Variants in PASK observed in about 807,000 individuals in gnomAD.
PASK encodes the protein PAS domain-containing serine/threonine-protein kinase.
PASK carries 110 observed loss-of-function variants against 121.0 expected under a neutral mutation model. That is an observed-to-expected ratio of 0.91 (90% CI 0.78 to 1.06). The LOEUF is 1.06. Among genes scored for constraint, PASK ranks in the 50% least tolerant of loss-of-function variants. The probability of loss-of-function intolerance (pLI) is 0.00; values close to 1 mark genes in which losing one functional copy is unlikely to be tolerated. For missense variants in PASK, 1,643 were observed against 1,702.3 expected, an observed-to-expected ratio of 0.97 and a Z score of 0.61; for synonymous variants, 686 against 717.8, an observed-to-expected ratio of 0.96 and a Z score of 0.71.
At chr2:241,137,844 C>T (rs1575326871) in intron 6 of PASK, 109 bp downstream of exon 6, 5 of 1,236,210 alleles carry the variant, frequency 4.0e-6, no homozygotes, top group Admixed American at 3.4e-5. Context: ...GCATGTCCCA[C>T]CCCTAAGGCC....
chr2:241,140,677 A>T lies in PASK; in HGVS notation c.273T>A (p.Ala91=), dbSNP rs1191491868. The T allele has an allele frequency of 7.4e-6, 12 of 1,614,028 alleles. No homozygotes were observed. The African/African-American group carries it at 1.3e-4, about 18-fold the overall frequency. The part of the protein sequence containing the change: ...NICTSKLHCP[A]APEHTDPSEP... ...CGGACGGGTCCGTGTGCTCAGGGGC[A>T]GCAGGGCAGTGCAGTTTACTTGTAC... is the stretch of plus-strand genomic sequence containing the variant. Residue 91 remains alanine (A), a synonymous_variant, in exon 3 of 18, where the codon GCT becomes GCA. Transcript: ENST00000234040.
At position 241,140,585 on chromosome 2, in the gene PASK, AGAGGT is replaced by A; in HGVS notation, c.360_364del (p.Pro121AlafsTer9). On this transcript the variant is annotated frameshift_variant, in exon 3 of 18. Coordinates refer to ENST00000234040, the MANE Select transcript of PASK (RefSeq NM_015148.4). LOFTEE classifies it high-confidence loss of function. ...AGGGTTGCACACAGGGGCCGGAAGC[AGAGGT>A]GAGGACCACCCTGAGGACAGTCCCC... 1 of 1,614,144 alleles carries A rather than the reference AGAGGT, an allele frequency of 6.2e-7. No individual in the cohort carries two copies. The highest frequency in any genetic ancestry group is 8.5e-7 in the Non-Finnish European group (1 of 1,180,010).
chr2:241,132,791 C>T, intron 9 of PASK, 83 bp downstream of exon 9: 2 of 1,155,078 alleles, frequency 1.7e-6, no homozygotes, highest in East Asian at 2.3e-5. Context: ...ATAGGCTGAA[C>T]ATTTCTCTCT....
At position 241,122,778 on chromosome 2, in the gene PASK, G is replaced by A; in HGVS notation, c.3026C>T (p.Ala1009Val). ...CACAGCAGTCCACACGAAGCCGAAG[G>A]CCCCACTGCCCAGCGGGCTCATGGT... is the stretch of plus-strand genomic sequence containing the variant. ...YSTMSPLGSGAFGFVWTAVDK... is the reference protein window; with the variant it reads ...YSTMSPLGSGVFGFVWTAVDK... Residue 1009 changes from alanine to valine, a missense_variant, in exon 12 of 18, where the codon GCC becomes GTC. Transcript: ENST00000234040. 6.2e-7 allele frequency: 1 copy of A among 1,614,152 alleles called. No individual in the cohort carries two copies. Among genetic ancestry groups the A allele is most frequent in the Non-Finnish European group, 8.5e-7 (1 of 1,180,014 alleles).
At chr2:241,128,436 C>T (rs1056077632) in intron 9 of PASK, among the ~76,000 whole-genome samples, 7 of 152,204 alleles carry the variant, frequency 4.6e-5, no homozygotes, top group Non-Finnish European at 1.0e-4. Context: ...ATCACAGAGC[C>T]AAGGGACCCA....
rs998861071 is a variant in PASK at position 241,106,152 on chromosome 2, T to C, written c.*414A>G. ...TTTGAAAAGCATTTGAGGAAATAAA[T>C]TAATGAAATAGTCTGGCCATTTGAC... On this transcript the variant is annotated 3_prime_UTR_variant, in exon 18 of 18. Coordinates refer to ENST00000234040, the MANE Select transcript of PASK (RefSeq NM_015148.4). 20 of 226,934 alleles carry C rather than the reference T, an allele frequency of 8.8e-5. No individual in the cohort carries two copies. The highest frequency in any genetic ancestry group is 7.9e-5 in the Non-Finnish European group (9 of 114,396). 14.1% of individuals were successfully genotyped at this position (226,934 alleles called of 1,614,324 possible). A position where few individuals can be genotyped will look rare whatever the true frequency, so the allele number is the denominator to read the frequency against.
At chr2:241,143,613 G>C (rs978600736) in intron 1 of PASK, among the ~76,000 whole-genome samples, 1 of 151,898 alleles carries the variant, frequency 6.6e-6, no homozygotes, top group Non-Finnish European at 1.5e-5. Context: ...ATATGGGAAA[G>C]AGGGAAGGAG....
chr2:241,128,881 A>G (rs1285573191), intron 9 of PASK, among the ~76,000 whole-genome samples: 3 of 150,754 alleles, frequency 2.0e-5, no homozygotes, highest in Admixed American at 6.6e-5. Flanking sequence ...AAGACGGAAG[A>G]GGAAGGATAC....
intron 12 of PASK, among the ~76,000 whole-genome samples, chr2:241,120,042 A>G (rs1334889508): frequency 6.6e-6 from 1 of 152,228 alleles, no homozygotes; most frequent in African/African-American, 2.4e-5. Context: ...TAATAAAATA[A>G]AATAAAATGT....
chr2:241,145,445 C>T (rs530356005), intron 1 of PASK, among the ~76,000 whole-genome samples: 4 of 152,108 alleles, frequency 2.6e-5, no homozygotes, highest in Admixed American at 1.3e-4. Flanking sequence ...GGCAACAAAG[C>T]GAGACCTGTC....
chr2:241,147,553 G>A (rs568456345), intron 1 of PASK, among the ~76,000 whole-genome samples: 6 of 152,264 alleles, frequency 3.9e-5, no homozygotes, highest in African/African-American at 1.2e-4. Flanking sequence ...CCCAGGAGGC[G>A]GAGGCTGCAG....
chr2:241,148,897 G>A (rs1040849148), intron 1 of PASK, among the ~76,000 whole-genome samples: 4 of 152,170 alleles, frequency 2.6e-5, no homozygotes, highest in African/African-American at 9.7e-5. Context: ...GCCGTACTCT[G>A]GGAAAGAAAA....
At chr2:241,125,444 G>T (rs1394412310) in intron 10 of PASK, among the ~76,000 whole-genome samples, 1 of 149,730 alleles carries the variant, frequency 6.7e-6, no homozygotes, top group Non-Finnish European at 1.5e-5. Flanking sequence ...ACTAAAAATA[G>T]AAAAAATTAG....
chr2:241,111,264 GGCA>G (rs2065101147), intron 15 of PASK, among the ~76,000 whole-genome samples: 1 of 152,184 alleles, frequency 6.6e-6, no homozygotes, highest in African/African-American at 2.4e-5. Context: ...CTCCTGTGGG[GGCA>G]GCATCAGCTT....
In PASK at chr2:241,144,297, AC is replaced by A. The variant is rs769359528; in HGVS notation, c.-42-1224del. On this transcript the variant is annotated intron_variant, in intron 1 of 17. Coordinates refer to ENST00000234040, the MANE Select transcript of PASK (RefSeq NM_015148.4). Reference sequence around the variant, plus strand: ...GAAACACAAGTACACATTTACCAATACCCTGTCCTCATGGCCAAACTCAACA... The same window carrying A: ...GAAACACAAGTACACATTTACCAATACCTGTCCTCATGGCCAAACTCAACA... Among the ~76,000 whole-genome samples the A allele has an allele frequency of 5.6e-4, 86 of 152,316 alleles. 1 individual carries two copies. Among genetic ancestry groups the A allele is most frequent in the Non-Finnish European group, 1.0e-3 (71 of 68,026 alleles).
rs368917444 is a variant in PASK, at chr2:241,106,291, G to C, written c.*275C>G. 4.0e-6 allele frequency: 2 copies of C among 494,380 alleles called. No individual in the cohort carries two copies. The highest frequency in any genetic ancestry group is 1.9e-5 in the African/African-American group (1 of 51,728). The allele number at this position is 494,380 out of a possible 1,614,324, so 30.6% of individuals were successfully genotyped here. On this transcript the variant is annotated 3_prime_UTR_variant, in exon 18 of 18. Coordinates refer to ENST00000234040, the MANE Select transcript of PASK (RefSeq NM_015148.4). ...GAAAGAGAAAACACTCATGCCTTCA[G>C]AAGTTCACAAATTAAAAGCCCTTTA...
At position 241,127,420 on chromosome 2, in the gene PASK, C is replaced by T. The variant is rs2125430029; in HGVS notation, c.1495G>A (p.Val499Met). Residue 499 changes from valine to methionine, a missense_variant, in exon 10 of 18, where the codon GTG (valine) becomes ATG (methionine). Coordinates refer to ENST00000234040, the MANE Select transcript of PASK (RefSeq NM_015148.4). The stretch of plus-strand genomic sequence containing the variant: ...TTGGGCAGCGCCTGTTCACCGTGCA[C>T]TGGCAGGCTTCCTTCTGGGACATTG... ...VDNVPEGSLP[V>M]HGEQALPKDQ... 4.3e-6 allele frequency: 7 copies of T among 1,614,144 alleles called. No homozygotes were observed. The highest frequency in any genetic ancestry group is 5.9e-6 in the Non-Finnish European group (7 of 1,179,992).
rs1197180350 is a variant in PASK, at chr2:241,127,116, T to C, written c.1799A>G (p.Gln600Arg). ...AAVAKPQAKG[Q>R]LAGGSLLMHC... ...CATCAGGAGGCTGCCCCCCGCCAGC[T>C]GACCCTTGGCCTGGGGCTTGGCCAC... Residue 600 changes from glutamine (Q) to arginine (R), a missense_variant, in exon 10 of 18, where the codon CAG becomes CGG. Around this residue, in one of 3 missense-constraint regions of PASK, gnomAD observed 1,176 missense variants for 1,162.2 expected, o/e 1.01. Coordinates refer to ENST00000234040, the MANE Select transcript of PASK (RefSeq NM_015148.4). 14 of 1,613,950 alleles carry C rather than the reference T, an allele frequency of 8.7e-6. No homozygotes were observed. Among genetic ancestry groups the C allele is most frequent in the Non-Finnish European group, 1.2e-5 (14 of 1,180,028 alleles).
chr2:241,120,844 CAT>C (rs1201767949), intron 12 of PASK, among the ~76,000 whole-genome samples: 2 of 152,188 alleles, frequency 1.3e-5, no homozygotes, highest in African/African-American at 4.8e-5. Flanking sequence ...GAACTGAAAA[CAT>C]ATGTTCACAC....
Sources: allele counts gnomAD v4.1 joint callset (sites outside exome capture counted in the v4.1 genomes callset), GRCh38; gene constraint gnomAD v4.1.1; regional missense constraint gnomAD v4.1.1; transcripts MANE v1.5; gene names NCBI Gene and HGNC (gene_info 2026-07-23, HGNC 2026-07-21).